The following CLPTM1 variants were observed in gnomAD, a reference collection of about 807,000 sequenced individuals.
The protein encoded by CLPTM1 is CLPTM1 regulator of GABA type A receptor forward trafficking.
In CLPTM1, 21 loss-of-function variants were observed where a neutral mutation model predicts 77.3. The observed-to-expected ratio is 0.27, with a 90% CI of 0.19 to 0.39. CLPTM1 has a LOEUF of 0.39. Ranked by LOEUF, CLPTM1 falls within the 10% of genes least tolerant of loss-of-function variation. The pLI is 1.00. For synonymous variants in CLPTM1, 373 were observed against 381.0 expected (o/e 0.98, Z 0.24); for missense variants, 642 against 921.2 (o/e 0.70, Z 3.92).
In CLPTM1 at chr19:44,991,143, G is replaced by A; in HGVS notation, c.1420-95G>A. The A allele has an allele frequency of 6.3e-7, 1 of 1,576,942 alleles. No individual in the cohort carries two copies. Among genetic ancestry groups the A allele is most frequent in the Admixed American group, 1.7e-5 (1 of 58,472 alleles). ...GCTACCTGGAAATTCCCCCTGCCCG[G>A]CCTGCCAGACCAGGTGTGGTGGGTG... On this transcript the variant is annotated intron_variant, in intron 11 of 13. Coordinates refer to ENST00000337392, the MANE Select transcript of CLPTM1 (RefSeq NM_001294.4). This position sits in a 1 kb window ranked among gnomAD's most constrained non-coding sequence, Gnocchi z 5.4.
At chr19:44,986,721 C>T (rs1970984109) in intron 7 of CLPTM1, 146 bp downstream of exon 7, 1 of 1,043,508 alleles carries the variant, frequency 9.6e-7, no homozygotes, top group African/African-American at 1.6e-5. Flanking sequence ...CTATCCCCTT[C>T]CCATGTCCTC....
intron 2 of CLPTM1, among the ~76,000 whole-genome samples, chr19:44,972,462 G>A (rs575575356): frequency 6.6e-6 from 1 of 151,850 alleles, no homozygotes; most frequent in Non-Finnish European, 1.5e-5. Flanking sequence ...TGTTAGCCAG[G>A]ATGGTCTCAA....
chr19:44,990,578 A>AAT lies in CLPTM1; in HGVS notation c.1316_1317insAT (p.Asp439GlufsTer79). 1 of 1,613,464 alleles carries AAT rather than the reference A, an allele frequency of 6.2e-7. No homozygotes were observed. Among genetic ancestry groups the AAT allele is most frequent in the Non-Finnish European group, 8.5e-7 (1 of 1,179,658 alleles). ...CTCTGGAAGATCACCAAGGTCATGG[A>AAT]CGTCCGGGTAAGGCTGGGGCGCCAT... On this transcript the variant is annotated frameshift_variant, in exon 10 of 14. Coordinates refer to ENST00000337392, the MANE Select transcript of CLPTM1 (RefSeq NM_001294.4). LOFTEE classifies it high-confidence loss of function. This position sits in a 1 kb window ranked among gnomAD's most constrained non-coding sequence, Gnocchi z 4.8.
chr19:44,990,802 G>A lies in CLPTM1; in HGVS notation c.1324-48G>A, dbSNP rs2122339044. On this transcript the variant is annotated intron_variant, in intron 10 of 13. Transcript: ENST00000337392. This position sits in a 1 kb window ranked among gnomAD's most constrained non-coding sequence, Gnocchi z 4.8. ...GGCAGGGGCTGGTTCTGGCTTGTGG[G>A]GTGGGAGCCAGCGTAGCAACTGACC... The A allele has an allele frequency of 6.0e-6, 9 of 1,506,450 alleles. No homozygotes were observed. Among genetic ancestry groups the A allele is most frequent in the African/African-American group, 4.1e-5 (3 of 72,464 alleles). The allele number at this position is 1,506,450 out of a possible 1,614,324, so 93.3% of individuals were successfully genotyped here.
intron 9 of CLPTM1, among the ~76,000 whole-genome samples, chr19:44,988,919 G>A (rs566795803): frequency 1.2e-4 from 18 of 152,250 alleles, no homozygotes; most frequent in African/African-American, 4.1e-4. Context: ...GGTGGCTCTC[G>A]CCTGTAATCC....
chr19:44,975,106 A>G (rs1568385375), intron 4 of CLPTM1, among the ~76,000 whole-genome samples: 1 of 152,350 alleles, frequency 6.6e-6, no homozygotes, highest in East Asian at 1.9e-4. Flanking sequence ...TGAGAGATTC[A>G]GACTCAGGCT....
rs767499149 is a variant in CLPTM1, at chr19:44,987,368, A to G, written c.983A>G (p.Asn328Ser). 1.9e-6 allele frequency: 3 copies of G among 1,614,042 alleles called. No individual in the cohort carries two copies. In the African/African-American group the frequency reaches 4.0e-5, roughly 22 times the overall value. The change falls in exon 8 of 14, where the codon AAC becomes AGC. Residue 328 changes from asparagine to serine, a missense_variant. By Grantham distance (46) the Asn-to-Ser change is conservative. Around this residue, in one of 2 missense-constraint regions of CLPTM1, gnomAD observed 521 missense variants for 800.4 expected, o/e 0.65. Coordinates refer to ENST00000337392, the MANE Select transcript of CLPTM1 (RefSeq NM_001294.4). ...YAAQSTKSPW[N>S]FLGDELYEQS... ...GCCCAGAGCACCAAGTCGCCCTGGA[A>G]CTTCCTGGGTGATGAGTTGTACGAG...
intron 5 of CLPTM1, among the ~76,000 whole-genome samples, chr19:44,980,321 C>T (rs956875836): frequency 9.9e-5 from 15 of 151,970 alleles, no homozygotes; most frequent in Non-Finnish European, 2.2e-4. Context: ...CCAGCCTGGC[C>T]AACATGGTGA....
chr19:44,977,133 C>T lies in CLPTM1; in HGVS notation c.469-210C>T, dbSNP rs146162237. Reference sequence around the variant, plus strand: ...GGCTCAGAGAGAAGCTGAGCTCACACGGCCATGGCAGGTAGAGCGGGCGTC... The same window carrying T: ...GGCTCAGAGAGAAGCTGAGCTCACATGGCCATGGCAGGTAGAGCGGGCGTC... On this transcript the variant is annotated intron_variant, in intron 4 of 13. Coordinates refer to ENST00000337392, the MANE Select transcript of CLPTM1 (RefSeq NM_001294.4). 1.4e-4 allele frequency among the ~76,000 whole-genome samples: 21 copies of T among 152,250 alleles called. No homozygotes were observed. In the East Asian group the frequency reaches 3.5e-3, roughly 25 times the overall value.
intron 5 of CLPTM1, among the ~76,000 whole-genome samples, chr19:44,983,286 T>G (rs964528985): frequency 2.0e-5 from 3 of 151,892 alleles, no homozygotes; most frequent in Admixed American, 6.6e-5. Flanking sequence ...GATAGAGACT[T>G]GAGGGAGGGC....
chr19:44,983,617 CAAAAAAAAAAAAA>C (rs35582067), intron 5 of CLPTM1, among the ~76,000 whole-genome samples: 19 of 39,792 alleles, frequency 4.8e-4, no homozygotes, highest in Admixed American at 9.2e-4. Flanking sequence ...GACTCTGTCT[CAAAAAAAAAAAAA>C]AAAAAAAAAA....
intron 2 of CLPTM1, among the ~76,000 whole-genome samples, chr19:44,967,237 T>G (rs1247419619): frequency 6.6e-6 from 1 of 152,122 alleles, no homozygotes; most frequent in African/African-American, 2.4e-5. Flanking sequence ...GAGGATCGCT[T>G]GAGCCCAGGA....
chr19:44,955,141 C>A, upstream of CLPTM1: 1 of 1,535,644 alleles, frequency 6.5e-7, no homozygotes, highest in Non-Finnish European at 8.7e-7. Flanking sequence ...ACATGCTGGC[C>A]GAGAAAGTCC....
At chr19:44,963,123 C>G (rs1328385667) in intron 2 of CLPTM1, among the ~76,000 whole-genome samples, 3 of 137,266 alleles carry the variant, frequency 2.2e-5, no homozygotes, top group East Asian at 2.5e-4. Context: ...GCAGGAGAAT[C>G]GTTTGAACCC....
Position 44,993,209 on chromosome 19 carries a change from G to GC in CLPTM1, c.*318dup, listed in dbSNP as rs1349436077. 8.9e-6 allele frequency: 5 copies of GC among 560,232 alleles called. No homozygotes were observed. Among genetic ancestry groups the GC allele is most frequent in the South Asian group, 6.1e-5 (4 of 65,096 alleles). The allele number at this position is 560,232 out of a possible 1,614,324, so 34.7% of individuals were successfully genotyped here. A position where few individuals can be genotyped will look rare whatever the true frequency, so the allele number is the denominator to read the frequency against. ...GTGGGTTGGGCGGGGGTGGGGCCGG[G>GC]CCCCCCTACGGGATGCCCACGGCCG... On this transcript the variant is annotated 3_prime_UTR_variant, in exon 14 of 14. Transcript: ENST00000337392.
chr19:44,955,123 C>T (rs1970437729), upstream of CLPTM1: 10 of 1,535,542 alleles, frequency 6.5e-6, no homozygotes, highest in Non-Finnish European at 8.7e-6. Context: ...ACAGAACTTG[C>T]GGGAGGCACA....
chr19:44,980,986 C>T (rs532302628), intron 5 of CLPTM1, among the ~76,000 whole-genome samples: 7 of 151,622 alleles, frequency 4.6e-5, no homozygotes, highest in Middle Eastern at 3.4e-3. Context: ...TACAGGCGCC[C>T]GCCACCACGC....
chr19:44,961,275 GTGTC>G (rs1292429907), intron 1 of CLPTM1, among the ~76,000 whole-genome samples: 66 of 152,316 alleles, frequency 4.3e-4, no homozygotes, highest in Non-Finnish European at 1.0e-4. Flanking sequence ...GTGTTTTTCT[GTGTC>G]TGTCCCACCT....
At position 44,992,371 on chromosome 19, in the gene CLPTM1, T is replaced by C; in HGVS notation, c.1694T>C (p.Val565Ala). The change falls in exon 13 of 14, where the codon GTT becomes GCT. Residue 565 changes from valine (V) to alanine (A), a missense_variant. Physicochemically the swap from Val to Ala is moderately conservative, Grantham distance 64 (BLOSUM62 0). This residue lies in a region of CLPTM1 where 521 missense variants were observed against 800.4 expected (regional missense o/e 0.65). Transcript: ENST00000337392. This position sits in a 1 kb window ranked among gnomAD's most constrained non-coding sequence, Gnocchi z 7.7. ...DLFAFVIKMP[V>A]MYRIGCLRDD... ...TTCGCCTTTGTCATCAAGATGCCCGTTATGTACCGGATCGGCTGCCTGCGG... is the reference window on the plus strand; with the variant it reads ...TTCGCCTTTGTCATCAAGATGCCCGCTATGTACCGGATCGGCTGCCTGCGG... The C allele has an allele frequency of 6.2e-7, 1 of 1,614,090 alleles. No homozygotes were observed. The highest frequency in any genetic ancestry group is 8.5e-7 in the Non-Finnish European group (1 of 1,179,968).
Sources: allele counts gnomAD v4.1 joint callset (sites outside exome capture counted in the v4.1 genomes callset), GRCh38; gene constraint gnomAD v4.1.1; regional missense constraint gnomAD v4.1.1; non-coding constraint Gnocchi (gnomAD v3.1); transcripts MANE v1.5; gene names NCBI Gene and HGNC (gene_info 2026-07-23, HGNC 2026-07-21).